The following MAOB variants were observed in gnomAD, a reference collection of about 807,000 sequenced individuals.
The protein encoded by MAOB is amine oxidase [flavin-containing] B.
In MAOB, 15 loss-of-function variants were observed where a neutral mutation model predicts 41.9. That is an observed-to-expected ratio of 0.36 (90% CI 0.24 to 0.55). The LOEUF (loss-of-function observed/expected upper bound fraction) is 0.55, where lower values mean the gene tolerates loss of function less well. Among genes scored for constraint, MAOB ranks in the 20% least tolerant of loss-of-function variants. The pLI is 0.86. For synonymous variants in MAOB, 167 were observed against 144.2 expected (o/e 1.16, Z -1.13); for missense variants, 345 against 398.7 (o/e 0.87, Z 1.15).
chrX:43,869,876 C>T (rs2035389443), intron 1 of MAOB, among the ~76,000 whole-genome samples: 1 of 111,893 alleles, frequency 8.9e-6, no homozygotes, highest in African/African-American at 3.3e-5. Flanking sequence ...TCAAATTGCT[C>T]TAATATAAAT....
At chrX:43,805,266 C>A (rs1006360534) in intron 3 of MAOB, among the ~76,000 whole-genome samples, 28 of 108,175 alleles carry the variant, frequency 2.6e-4, no homozygotes, top group Non-Finnish European at 2.3e-4. Flanking sequence ...GAACTTATTT[C>A]TCCTATCTAA....
intron 11 of MAOB, among the ~76,000 whole-genome samples, chrX:43,776,737 T>A (rs1173143868): frequency 9.4e-6 from 1 of 106,124 alleles, no homozygotes; most frequent in South Asian, 4.6e-4. Context: ...ATTAGGTATA[T>A]CTCCAAATGC....
At chrX:43,807,846 C>T (rs1446177263) in intron 3 of MAOB, among the ~76,000 whole-genome samples, 2 of 112,140 alleles carry the variant, frequency 1.8e-5, no homozygotes, top group Non-Finnish European at 3.8e-5. Flanking sequence ...TTGATATAAT[C>T]TCAGCTGTGT....
chrX:43,795,358 T>A (rs1410966193), intron 7 of MAOB, among the ~76,000 whole-genome samples: 3 of 112,162 alleles, frequency 2.7e-5, no homozygotes, highest in African/African-American at 9.7e-5. Flanking sequence ...TTTCATGCCC[T>A]CCCCAGGCAT....
At position 43,852,813 on chromosome X, in the gene MAOB, A is replaced by G. The variant is rs146822715; in HGVS notation, c.47-9049T>C. Among the ~76,000 whole-genome samples the G allele has an allele frequency of 1.6e-4, 18 of 111,796 alleles. No homozygotes were observed. The East Asian group carries it at 4.5e-3, about 28-fold the overall frequency. ...AAAACATACCTAAAGCAACTGGTCA[A>G]TTTGGTCAATGTGGCTAAAACTGGT... On this transcript the variant is annotated intron_variant, in intron 1 of 14. Coordinates refer to ENST00000378069, the MANE Select transcript of MAOB (RefSeq NM_000898.5).
At chrX:43,804,019 G>A (rs1455559895) in intron 3 of MAOB, among the ~76,000 whole-genome samples, 1 of 111,098 alleles carries the variant, frequency 9.0e-6, no homozygotes, top group Non-Finnish European at 1.9e-5. Context: ...GGGATACCTC[G>A]ACACAGAAAT....
chrX:43,823,165 CTTTT>C (rs1181398583), intron 3 of MAOB, among the ~76,000 whole-genome samples: 6 of 60,102 alleles, frequency 1.0e-4, no homozygotes, highest in African/African-American at 4.3e-4. Context: ...AACAGATGGT[CTTTT>C]TTTTTTTTTT....
At chrX:43,814,517 T>C (rs774090212) in intron 3 of MAOB, among the ~76,000 whole-genome samples, 5 of 112,514 alleles carry the variant, frequency 4.4e-5, no homozygotes, top group African/African-American at 6.5e-5. Flanking sequence ...TTCACTCCAT[T>C]TGAGTCCCTA....
intron 3 of MAOB, among the ~76,000 whole-genome samples, chrX:43,807,393 G>A (rs1487956038): frequency 8.9e-6 from 1 of 112,311 alleles, no homozygotes; most frequent in Non-Finnish European, 1.9e-5. Context: ...GCCCAGATTA[G>A]CATAAACAGT....
chrX:43,866,514 A>T lies in MAOB; in HGVS notation c.46+15740T>A, dbSNP rs139254849. ...TCATATAAGAACTGAGAGCAGTCAA[A>T]TGCATAGAGACAGAAAGTAGAATGA... On this transcript the variant is annotated intron_variant, in intron 1 of 14. Coordinates refer to ENST00000378069, the MANE Select transcript of MAOB (RefSeq NM_000898.5). Among the ~76,000 whole-genome samples the T allele has an allele frequency of 5.4e-5, 6 of 112,135 alleles. No individual in the cohort carries two copies. The East Asian group carries it at 1.7e-3, about 32-fold the overall frequency.
intron 1 of MAOB, among the ~76,000 whole-genome samples, chrX:43,879,486 T>C (rs1362510772): frequency 8.9e-6 from 1 of 111,757 alleles, no homozygotes; most frequent in Non-Finnish European, 1.9e-5. Flanking sequence ...ACTCTTGATT[T>C]TGGCCATTTC....
chrX:43,844,321 C>T (rs1488016132), intron 1 of MAOB: 1 of 111,916 alleles, frequency 8.9e-6, no homozygotes, highest in East Asian at 2.8e-4. Flanking sequence ...GAAATAATTC[C>T]ATTCATGACT....
Position 43,787,291 on chromosome X carries a change from T to C in MAOB, c.929-5747A>G, listed in dbSNP as rs1003762957. 1.8e-5 allele frequency among the ~76,000 whole-genome samples: 2 copies of C among 111,541 alleles called. 1 individual carries two copies. The highest frequency in any genetic ancestry group is 3.8e-5 in the Non-Finnish European group (2 of 53,151). ...AGGGGTGTGGAGGCAGGAGCTTTGA[T>C]GAGATGATAATAACATTCATCTGGA... On this transcript the variant is annotated intron_variant, in intron 8 of 14. Transcript: ENST00000378069.
At chrX:43,846,072 GA>G (rs1244993552) in intron 1 of MAOB, among the ~76,000 whole-genome samples, 1 of 111,750 alleles carries the variant, frequency 8.9e-6, no homozygotes, top group African/African-American at 3.3e-5. Flanking sequence ...CCTCCATAAG[GA>G]AAAAGAACCA....
At chrX:43,805,932 T>C (rs1601989687) in intron 3 of MAOB, among the ~76,000 whole-genome samples, 1 of 112,652 alleles carries the variant, frequency 8.9e-6, no homozygotes, top group Non-Finnish European at 1.9e-5. Flanking sequence ...CTTGCTGACT[T>C]TTCTTTTATG....
At chrX:43,870,299 G>A (rs746093475) in intron 1 of MAOB, among the ~76,000 whole-genome samples, 10 of 112,002 alleles carry the variant, frequency 8.9e-5, no homozygotes, top group African/African-American at 1.3e-4. Flanking sequence ...CTTCCAGATC[G>A]GAGGCTCTAA....
chrX:43,835,018 T>C lies in MAOB; in HGVS notation c.279+3850A>G, dbSNP rs1023419818. Among the ~76,000 whole-genome samples the C allele has an allele frequency of 4.5e-5, 5 of 112,232 alleles. No individual in the cohort carries two copies. In the South Asian group the frequency reaches 1.9e-3, roughly 42 times the overall value. ...TGTTTTACCAGACTTTACTTTCAAA[T>C]TTCAGACTGATGAAAGCTTCTGAAA... On this transcript the variant is annotated intron_variant, in intron 3 of 14. Coordinates refer to ENST00000378069, the MANE Select transcript of MAOB (RefSeq NM_000898.5).
chrX:43,855,825 G>A (rs1275244507), intron 1 of MAOB, among the ~76,000 whole-genome samples: 1 of 111,185 alleles, frequency 9.0e-6, no homozygotes, highest in Non-Finnish European at 1.9e-5. Flanking sequence ...AGGGGAACAG[G>A]TATGTTTTCT....
chrX:43,867,157 G>A (rs889963844), intron 1 of MAOB, among the ~76,000 whole-genome samples: 59 of 111,873 alleles, frequency 5.3e-4, no homozygotes, highest in African/African-American at 1.9e-3. Context: ...TAGGATCCCT[G>A]CAATGTCTGC....
Sources: gnomAD v4.1 joint callset for allele counts (sites outside exome capture counted in the v4.1 genomes callset) on GRCh38, gnomAD v4.1.1 for gene constraint, MANE v1.5 for transcripts, NCBI Gene and HGNC (gene_info 2026-07-23, HGNC 2026-07-21) for gene names.